FUS: variants seen among roughly 807,000 people sequenced by gnomAD.
FUS encodes FUS RNA binding protein.
Under a neutral mutation model 82.7 loss-of-function variants are expected in FUS, and 5 were observed. The observed-to-expected ratio is 0.06, with a 90% CI of 0.03 to 0.13. The LOEUF is 0.13. Among genes scored for constraint, FUS ranks in the 10% least tolerant of loss-of-function variants. The probability of loss-of-function intolerance (pLI) is 1.00; values close to 1 mark genes in which losing one functional copy is unlikely to be tolerated. For missense variants in FUS, 512 were observed against 707.8 expected (o/e 0.72, Z 3.14); for synonymous variants, 281 against 247.4 (o/e 1.14, Z -1.27).
At chr16:31,191,812 G>A (rs914420903), downstream of FUS, 11 of 567,408 alleles carry the variant, frequency 1.9e-5, no homozygotes, top group African/African-American at 2.0e-4. Flanking sequence ...AAGAACATGG[G>A]ATGTCATGAG....
At chr16:31,188,303 C>CT in intron 7 of FUS, 22 bp from the exon 8 acceptor site, 1 of 1,566,314 alleles carries the variant, frequency 6.4e-7, no homozygotes. Flanking sequence ...TTTTTTTGTT[C>CT]TTTTTTTCCA....
At chr16:31,192,622 G>T (rs1359379681), downstream of FUS, 6 of 483,826 alleles carry the variant, frequency 1.2e-5, no homozygotes, top group Admixed American at 7.0e-5. Flanking sequence ...GTGCAGTGGC[G>T]TGATCTCGGC....
chr16:31,186,728 TAAAC>T (rs1029169681), intron 6 of FUS, 70 bp from the exon 7 acceptor site: 171 of 1,453,704 alleles, frequency 1.2e-4, no homozygotes, highest in Middle Eastern at 1.7e-4. Context: ...TGGGGAATGT[TAAAC>T]AAAATCAAAA....
downstream of FUS, chr16:31,193,376 C>T (rs1231094904): frequency 9.5e-6 from 5 of 525,928 alleles, no homozygotes; most frequent in African/African-American, 3.7e-5. Context: ...TGGCAGTTCT[C>T]TCCGTCCCTG....
intron 1 of FUS, among the ~76,000 whole-genome samples, chr16:31,180,544 C>T (rs1318463453): frequency 3.3e-5 from 5 of 152,190 alleles, no homozygotes; most frequent in East Asian, 1.9e-4. Context: ...GCCTCGCCTC[C>T]CCCAACTCCC....
intron 9 of FUS, 108 bp downstream of exon 9, chr16:31,189,334 T>C (rs2079317421): frequency 1.1e-6 from 1 of 914,444 alleles, no homozygotes; most frequent in Non-Finnish European, 1.8e-6. Flanking sequence ...AAACAAGTCT[T>C]AGTGGTTGTT....
At chr16:31,190,617 G>T in intron 12 of FUS, 125 bp from the exon 13 acceptor site, 1 of 1,182,732 alleles carries the variant, frequency 8.5e-7, no homozygotes, top group Non-Finnish European at 1.3e-6. Context: ...TGAGAAGCAA[G>T]CCGTTTTGTC....
intron 6 of FUS, chr16:31,186,427 C>T: frequency 2.5e-6 from 1 of 403,178 alleles, no homozygotes; most frequent in Non-Finnish European, 4.6e-6. Context: ...TGTGAAATGT[C>T]TTCTGGGTAA....
In FUS at chr16:31,188,312, C is replaced by G. The variant is rs1222917543; in HGVS notation, c.800-13C>G. On this transcript the variant is annotated splice_polypyrimidine_tract_variant and intron_variant, in intron 7 of 14. Coordinates refer to ENST00000254108, the MANE Select transcript of FUS (RefSeq NM_004960.4). ...TTGTTTTTTTTTTGTTCTTTTTTTC[C>G]ATGTCACTAAAGGCCCTCGGGACCA... 6 of 1,609,636 alleles carry G rather than the reference C, an allele frequency of 3.7e-6. No homozygotes were observed. In the African/African-American group the frequency reaches 5.4e-5, roughly 14 times the overall value.
intron 1 of FUS, 79 bp downstream of exon 1, chr16:31,180,306 C>T (rs1596884456): frequency 1.3e-6 from 2 of 1,533,510 alleles, no homozygotes; most frequent in Non-Finnish European, 1.8e-6. Flanking sequence ...TCAGTGGGAC[C>T]GGGGCGGCGA....
At chr16:31,194,261 G>A, downstream of FUS, 1 of 530,916 alleles carries the variant, frequency 1.9e-6, no homozygotes, top group South Asian at 1.5e-5. Flanking sequence ...TCTACCTTTA[G>A]GCATGTCTTC....
intron 1 of FUS, among the ~76,000 whole-genome samples, chr16:31,181,799 A>G (rs1008072605): frequency 6.6e-6 from 1 of 152,206 alleles, no homozygotes; most frequent in Non-Finnish European, 1.5e-5. Flanking sequence ...AATCACTGAC[A>G]TGAATTGGGC....
At chr16:31,182,699 C>A (rs766399857) in intron 3 of FUS, 35 bp downstream of exon 3, 2 of 1,613,604 alleles carry the variant, frequency 1.2e-6, no homozygotes, top group Non-Finnish European at 1.7e-6. Context: ...TCTTCCTACT[C>A]TTTCTGAATA....
intron 1 of FUS, among the ~76,000 whole-genome samples, chr16:31,181,767 C>G (rs140180227): frequency 5.1e-4 from 78 of 152,228 alleles, no homozygotes; most frequent in African/African-American, 1.8e-3. Flanking sequence ...GTGGATGAAA[C>G]GAATGCGCGA....
In FUS at chr16:31,184,414, TTGTC is replaced by T. The variant is rs766046864; in HGVS notation, c.523+21_523+24del. 4.9e-5 allele frequency: 79 copies of T among 1,604,398 alleles called. No individual in the cohort carries two copies. The highest frequency in any genetic ancestry group is 1.2e-4 in the Admixed American group (7 of 59,532). On this transcript the variant is annotated intron_variant, in intron 5 of 14. Coordinates refer to ENST00000254108, the MANE Select transcript of FUS (RefSeq NM_004960.4). Reference sequence around the variant, plus strand: ...AGGTGGAGGTGAGATGTCTTCAGCTTTGTCTGCAGCCCATTTTCTTTTTCTTTTT... The same window carrying T: ...AGGTGGAGGTGAGATGTCTTCAGCTTTGCAGCCCATTTTCTTTTTCTTTTT...
downstream of FUS, chr16:31,192,045 G>T (rs1432407267): frequency 1.9e-6 from 1 of 533,062 alleles, no homozygotes. Context: ...ACAGGAAGGA[G>T]AGTAACTGAG....
chr16:31,191,137 G>A (rs753459865), intron 14 of FUS, 27 bp downstream of exon 14: 6 of 1,610,914 alleles, frequency 3.7e-6, no homozygotes, highest in Non-Finnish European at 5.1e-6. Flanking sequence ...GAATAAAAAA[G>A]TAGAGCAGTT....
At chr16:31,182,015 T>A (rs182278411) in intron 1 of FUS, among the ~76,000 whole-genome samples, 49 of 152,298 alleles carry the variant, frequency 3.2e-4, no homozygotes, top group African/African-American at 5.8e-4. Context: ...TTTTATTTTT[T>A]TTTTTGAGAT....
intron 3 of FUS, chr16:31,183,539 C>A: frequency 2.6e-6 from 1 of 391,270 alleles, no homozygotes; most frequent in Non-Finnish European, 4.9e-6. Flanking sequence ...GGTGGTTGTC[C>A]TGTAGATACT....
Sources: allele counts gnomAD v4.1 joint callset (sites outside exome capture counted in the v4.1 genomes callset), GRCh38; gene constraint gnomAD v4.1.1; transcripts MANE v1.5; gene names NCBI Gene and HGNC (gene_info 2026-07-23, HGNC 2026-07-21).